PCDH11X: variants seen among roughly 807,000 people sequenced by gnomAD.
The protein encoded by PCDH11X is protocadherin 11 X-linked.
A neutral mutation model predicts 53.3 loss-of-function variants in PCDH11X; 18 were observed. The ratio of observed to expected loss-of-function variants is 0.34; its 90% CI spans 0.23 to 0.50. PCDH11X has a LOEUF of 0.50. PCDH11X is among the 20% of genes least tolerant of loss of function. The probability of loss-of-function intolerance (pLI) is 0.98; values close to 1 mark genes in which losing one functional copy is unlikely to be tolerated. For synonymous variants in PCDH11X, 279 were observed against 393.3 expected (o/e 0.71, Z 3.44); for missense variants, 570 against 1,032.4 (o/e 0.55, Z 6.14).
chrX:92,558,716 A>C (rs2075086610), intron 10 of PCDH11X, among the ~76,000 whole-genome samples: 1 of 110,484 alleles, frequency 9.1e-6, no homozygotes, highest in Admixed American at 9.8e-5. Context: ...ACTTTCTATC[A>C]AAACATTTTT....
chrX:92,312,862 C>G (rs979129215), intron 8 of PCDH11X, among the ~76,000 whole-genome samples: 1 of 111,075 alleles, frequency 9.0e-6, no homozygotes, highest in East Asian at 2.8e-4. Flanking sequence ...CCAGGATACA[C>G]GGAAGGCCTA....
intron 6 of PCDH11X, among the ~76,000 whole-genome samples, chrX:92,070,667 G>C (rs1257445220): frequency 1.8e-5 from 2 of 110,931 alleles, no homozygotes; most frequent in African/African-American, 6.6e-5. Context: ...AAATCTGCTT[G>C]GTATTCTGTA....
chrX:92,101,205 G>A (rs1015087595), intron 6 of PCDH11X, among the ~76,000 whole-genome samples: 2 of 111,571 alleles, frequency 1.8e-5, no homozygotes, highest in African/African-American at 6.5e-5. Context: ...ATGAGTAGTT[G>A]AGAACGGAGA....
At position 92,522,514 on chromosome X, in the gene PCDH11X, ACACAGAGACCCAAAGTAAG is replaced by A. The variant is rs1184446470; in HGVS notation, c.3367+54197_3367+54215del. 5.4e-5 allele frequency among the ~76,000 whole-genome samples: 6 copies of A among 111,236 alleles called. No homozygotes were observed. In the Admixed American group the frequency reaches 5.7e-4, roughly 11 times the overall value. ...ATATTGTGAGAGTTACCAAAATGTG[ACACAGAGACCCAAAGTAAG>A]CACACGCTGTTAGAAAAACGGCATG... is the stretch of plus-strand genomic sequence containing the variant. On this transcript the variant is annotated intron_variant, in intron 10 of 10. Transcript: ENST00000682573.
chrX:92,340,225 T>A (rs1195789762), intron 8 of PCDH11X, among the ~76,000 whole-genome samples: 2 of 110,978 alleles, frequency 1.8e-5, no homozygotes, highest in Non-Finnish European at 1.9e-5. Flanking sequence ...CTTTCTGGTT[T>A]TTGGCCCCAA....
intron 7 of PCDH11X, among the ~76,000 whole-genome samples, chrX:92,254,811 C>T (rs767709978): frequency 2.1e-3 from 228 of 110,515 alleles, no homozygotes; most frequent in African/African-American, 7.4e-3. Flanking sequence ...GAGAGATCCA[C>T]TGTTAGTCTG....
intron 10 of PCDH11X, among the ~76,000 whole-genome samples, chrX:92,484,179 ATG>A (rs1491472268): frequency 5.1e-4 from 18 of 35,230 alleles, no homozygotes; most frequent in Non-Finnish European, 6.9e-4. Flanking sequence ...ATATATATGT[ATG>A]TATATATATG....
At chrX:92,205,207 C>G (rs2148327869) in intron 7 of PCDH11X, among the ~76,000 whole-genome samples, 1 of 112,066 alleles carries the variant, frequency 8.9e-6, no homozygotes, top group Admixed American at 9.5e-5. Context: ...CAATCTCTTT[C>G]ACTGTAATAA....
intron 6 of PCDH11X, among the ~76,000 whole-genome samples, chrX:91,886,278 G>T (rs1261206137): frequency 9.0e-6 from 1 of 110,692 alleles, no homozygotes; most frequent in East Asian, 2.8e-4. Context: ...TCTTATTCTA[G>T]TCATGAAAAG....
chrX:91,885,250 T>C (rs1471214372), intron 6 of PCDH11X, among the ~76,000 whole-genome samples: 1 of 110,924 alleles, frequency 9.0e-6, no homozygotes, highest in African/African-American at 3.3e-5. Flanking sequence ...TACACACTTG[T>C]ACAAGTTATT....
intron 6 of PCDH11X, among the ~76,000 whole-genome samples, chrX:92,109,305 C>G (rs72605187): frequency 9.1e-6 from 1 of 109,385 alleles, no homozygotes; most frequent in Non-Finnish European, 1.9e-5. Flanking sequence ...GTCCAGGAGA[C>G]GGAGGTTGCT....
intron 8 of PCDH11X, among the ~76,000 whole-genome samples, chrX:92,295,112 C>A (rs1002071726): frequency 9.7e-6 from 1 of 103,043 alleles, no homozygotes; most frequent in African/African-American, 3.6e-5. Flanking sequence ...TTGAGAAAAT[C>A]ATCGTGAATA....
chrX:91,847,104 AT>A (rs1937718354), intron 5 of PCDH11X, among the ~76,000 whole-genome samples: 1 of 109,695 alleles, frequency 9.1e-6, no homozygotes, highest in Non-Finnish European at 1.9e-5. Flanking sequence ...GTGTACAAAG[AT>A]TCATTTTGTA....
intron 6 of PCDH11X, among the ~76,000 whole-genome samples, chrX:91,914,555 A>C (rs1941490480): frequency 9.0e-6 from 1 of 111,517 alleles, no homozygotes. Context: ...CACAAAGAAA[A>C]TACAATTACA....
At chrX:92,164,749 G>T (rs778908492) in intron 6 of PCDH11X, among the ~76,000 whole-genome samples, 1 of 109,489 alleles carries the variant, frequency 9.1e-6, no homozygotes, top group Non-Finnish European at 1.9e-5. Context: ...ATCTTGAATT[G>T]TAAGTCTTAG....
At chrX:92,186,475 A>G in intron 6 of PCDH11X, among the ~76,000 whole-genome samples, 1 of 110,874 alleles carries the variant, frequency 9.0e-6, no homozygotes. Flanking sequence ...CTAAAAATAC[A>G]AAATTAGCCA....
At chrX:91,859,749 G>GTT in intron 5 of PCDH11X, among the ~76,000 whole-genome samples, 1 of 104,389 alleles carries the variant, frequency 9.6e-6, no homozygotes, top group Non-Finnish European at 2.0e-5. Flanking sequence ...TTTTTTTCAG[G>GTT]TTTGTCAAAG....
chrX:91,974,131 T>G, intron 6 of PCDH11X, among the ~76,000 whole-genome samples: 1 of 111,696 alleles, frequency 9.0e-6, no homozygotes, highest in Admixed American at 9.6e-5. Flanking sequence ...GGATGACTGA[T>G]TAACTGTATA....
chrX:92,429,435 A>G (rs1207294613), intron 9 of PCDH11X, among the ~76,000 whole-genome samples: 1 of 110,003 alleles, frequency 9.1e-6, no homozygotes, highest in East Asian at 2.9e-4. Context: ...TCTGCCATAC[A>G]TACCCTTCAG....
Sources: allele counts gnomAD v4.1 joint callset (sites outside exome capture counted in the v4.1 genomes callset), GRCh38; gene constraint gnomAD v4.1.1; transcripts MANE v1.5; gene names NCBI Gene and HGNC (gene_info 2026-07-23, HGNC 2026-07-21).